Variants in ACTN4 observed in about 807,000 individuals in gnomAD.
ACTN4 encodes the protein actinin alpha 4, also known as alpha-actinin-4.
ACTN4 carries 18 observed loss-of-function variants against 114.2 expected under a neutral mutation model. The observed-to-expected ratio is 0.16, with a 90% CI of 0.11 to 0.23. ACTN4 has a LOEUF of 0.23. Among genes scored for constraint, ACTN4 ranks in the 10% least tolerant of loss-of-function variants. The pLI is 1.00. For missense variants in ACTN4, 722 were observed against 1,262.9 expected (o/e 0.57, Z 6.49); for synonymous variants, 515 against 506.3 (o/e 1.02, Z -0.23).
chr19:38,723,133 C>G (rs1399353967), intron 12 of ACTN4, among the ~76,000 whole-genome samples: 1 of 152,218 alleles, frequency 6.6e-6, no homozygotes, highest in African/African-American at 2.4e-5. Flanking sequence ...CAGGGTCACA[C>G]AGCAAGGGAG....
chr19:38,667,005 G>A (rs1242181860), intron 1 of ACTN4, among the ~76,000 whole-genome samples: 1 of 152,172 alleles, frequency 6.6e-6, no homozygotes, highest in African/African-American at 2.4e-5. Flanking sequence ...AATTATCAGC[G>A]AGCATGAGGT....
At chr19:38,708,297 T>A in intron 6 of ACTN4, 102 bp downstream of exon 6, 1 of 1,336,262 alleles carries the variant, frequency 7.5e-7, no homozygotes, top group Admixed American at 1.8e-5. Context: ...AGCCTCCAGA[T>A]CTGGGTTCTG....
chr19:38,696,124 A>G (rs1182540702), intron 1 of ACTN4, among the ~76,000 whole-genome samples: 1 of 152,148 alleles, frequency 6.6e-6, no homozygotes, highest in African/African-American at 2.4e-5. Context: ...ACTCTATGGA[A>G]GTGTCTGCTG....
At chr19:38,651,751 T>G (rs113293049) in intron 1 of ACTN4, among the ~76,000 whole-genome samples, 45 of 152,104 alleles carry the variant, frequency 3.0e-4, no homozygotes, top group African/African-American at 7.0e-4. Flanking sequence ...GTTTTGTTTT[T>G]TTTGAGACAG....
chr19:38,725,614 C>A lies in ACTN4; in HGVS notation c.2011-110C>A, dbSNP rs563856775. 58 of 1,343,904 alleles carry A rather than the reference C, an allele frequency of 4.3e-5. No homozygotes were observed. In the African/African-American group the frequency reaches 7.8e-4, roughly 18 times the overall value. The allele number at this position is 1,343,904 out of a possible 1,614,324, so 83.2% of individuals were successfully genotyped here. On this transcript the variant is annotated intron_variant, in intron 16 of 20. Transcript: ENST00000252699. ...GGACCCATGGGCCAAGGCCCCAGGC[C>A]AAAGGGGCCCCGGGGAAGATGCAGG... is the stretch of plus-strand genomic sequence containing the variant.
At chr19:38,728,862 G>C in intron 19 of ACTN4, 134 bp from the exon 20 acceptor site, 1 of 1,146,800 alleles carries the variant, frequency 8.7e-7, no homozygotes, top group Admixed American at 1.9e-5. Context: ...GGAGCAGGCG[G>C]GGAACAGGGC....
chr19:38,730,977 C>G lies in ACTN4; in HGVS notation c.*1545C>G. Reference sequence around the variant, plus strand: ...CCACCTGGCTCACCTGTCTGTGGGTCAGGCAGATGACCCCCTCACCCCCAT... The same window carrying G: ...CCACCTGGCTCACCTGTCTGTGGGTGAGGCAGATGACCCCCTCACCCCCAT... On this transcript the variant is annotated 3_prime_UTR_variant, in exon 21 of 21. Transcript: ENST00000252699. The G allele has an allele frequency of 6.4e-7, 1 of 1,551,002 alleles. No homozygotes were observed. Among genetic ancestry groups the G allele is most frequent in the African/African-American group, 1.4e-5 (1 of 73,190 alleles).
chr19:38,657,645 T>C (rs1234811227), intron 1 of ACTN4, among the ~76,000 whole-genome samples: 1 of 152,184 alleles, frequency 6.6e-6, no homozygotes, highest in Non-Finnish European at 1.5e-5. Context: ...TTTCTTTCTT[T>C]CTTTTCCTTT....
At chr19:38,673,593 A>G (rs1411872497) in intron 1 of ACTN4, among the ~76,000 whole-genome samples, 1 of 108,594 alleles carries the variant, frequency 9.2e-6, no homozygotes, top group African/African-American at 3.4e-5. Context: ...ATATTTATAT[A>G]TATTCATATA....
At chr19:38,710,170 T>C in intron 7 of ACTN4, 87 bp from the exon 8 acceptor site, 8 of 1,392,368 alleles carry the variant, frequency 5.7e-6, no homozygotes, top group East Asian at 2.3e-5. Context: ...CCCAAGGCCG[T>C]GGCCTTGGGA....
intron 9 of ACTN4, 97 bp from the exon 10 acceptor site, chr19:38,716,989 C>CA: frequency 8.8e-6 from 12 of 1,370,208 alleles, no homozygotes; most frequent in Non-Finnish European, 1.1e-5. Context: ...GTGGGGCCCT[C>CA]AAAGATCCAG....
chr19:38,730,200 CTATT>C lies in ACTN4; in HGVS notation c.*771_*774del, dbSNP rs1424414742. 1 of 155,206 alleles carries C rather than the reference CTATT, an allele frequency of 6.4e-6. No individual in the cohort carries two copies. Among genetic ancestry groups the C allele is most frequent in the African/African-American group, 2.5e-5 (1 of 40,686 alleles). The allele number at this position is 155,206 out of a possible 1,614,324, so 9.6% of individuals were successfully genotyped here. ...AGAATTAAAAACTTTCAGAGAATTACTATTTACTTTATTAACTTACGGATTTATT... is the reference window on the plus strand; with the variant it reads ...AGAATTAAAAACTTTCAGAGAATTACTACTTTATTAACTTACGGATTTATT... On this transcript the variant is annotated 3_prime_UTR_variant, in exon 21 of 21. Coordinates refer to ENST00000252699, the MANE Select transcript of ACTN4 (RefSeq NM_004924.6).
intron 12 of ACTN4, among the ~76,000 whole-genome samples, 197 bp from the exon 13 acceptor site, chr19:38,723,417 C>T (rs901560123): frequency 8.5e-5 from 13 of 152,206 alleles, no homozygotes; most frequent in Non-Finnish European, 1.9e-4. Context: ...TCTGTTATCA[C>T]CCCTTCCCTT....
intron 3 of ACTN4, among the ~76,000 whole-genome samples, chr19:38,704,617 C>G (rs539633761): frequency 1.3e-5 from 2 of 152,332 alleles, no homozygotes; most frequent in South Asian, 2.1e-4. Flanking sequence ...AGAGGCCACA[C>G]GCCTGGGACC....
chr19:38,710,627 C>T (rs1395329967), intron 8 of ACTN4, among the ~76,000 whole-genome samples: 2 of 152,234 alleles, frequency 1.3e-5, no homozygotes, highest in South Asian at 4.1e-4. Context: ...GAGAAACATA[C>T]AGCAGGCCTG....
chr19:38,688,718 C>A (rs769935876), intron 1 of ACTN4, among the ~76,000 whole-genome samples: 2 of 148,868 alleles, frequency 1.3e-5, no homozygotes, highest in African/African-American at 4.9e-5. Flanking sequence ...CAGAGTAAGA[C>A]CCCAACCCTA....
At chr19:38,711,647 C>T (rs2145038529) in intron 8 of ACTN4, among the ~76,000 whole-genome samples, 1 of 152,282 alleles carries the variant, frequency 6.6e-6, no homozygotes, top group Middle Eastern at 3.4e-3. Flanking sequence ...AAACTGAAGC[C>T]CTGCATTACA....
chr19:38,651,468 G>A (rs924253028), intron 1 of ACTN4, among the ~76,000 whole-genome samples: 5 of 152,162 alleles, frequency 3.3e-5, no homozygotes, highest in Admixed American at 6.5e-5. Flanking sequence ...AGTGGCCTGG[G>A]TAACCTCATC....
At chr19:38,680,083 C>T (rs1165444229) in intron 1 of ACTN4, among the ~76,000 whole-genome samples, 2 of 152,116 alleles carry the variant, frequency 1.3e-5, no homozygotes, top group Non-Finnish European at 2.9e-5. Flanking sequence ...ACTCACTCAC[C>T]ACGCTCTATC....
Sources: gnomAD v4.1 joint callset for allele counts (sites outside exome capture counted in the v4.1 genomes callset) on GRCh38, gnomAD v4.1.1 for gene constraint, MANE v1.5 for transcripts, NCBI Gene and HGNC (gene_info 2026-07-23, HGNC 2026-07-21) for gene names.